ITGBL1: variants seen among roughly 807,000 people sequenced by gnomAD.
ITGBL1 encodes the protein integrin subunit beta like 1.
Under a neutral mutation model 68.5 loss-of-function variants are expected in ITGBL1, and 51 were observed. The ratio of observed to expected loss-of-function variants is 0.74; its 90% CI spans 0.59 to 0.94. The LOEUF (loss-of-function observed/expected upper bound fraction) is 0.94. Ranked by LOEUF, ITGBL1 falls within the 40% of genes least tolerant of loss-of-function variation. ITGBL1 has a pLI of 0.00. For synonymous variants in ITGBL1, 209 were observed against 227.3 expected, an observed-to-expected ratio of 0.92 and a Z score of 0.72; for missense variants, 649 against 647.4, an observed-to-expected ratio of 1.00 and a Z score of -0.03.
chr13:101,618,107 G>C (rs2139381111), intron 7 of ITGBL1, among the ~76,000 whole-genome samples: 1 of 152,308 alleles, frequency 6.6e-6, no homozygotes, highest in South Asian at 2.1e-4. Flanking sequence ...GCTGCTTATA[G>C]ATTCTGGTTG....
intron 7 of ITGBL1, among the ~76,000 whole-genome samples, chr13:101,658,772 G>C (rs2033000837): frequency 6.6e-6 from 1 of 152,094 alleles, no homozygotes; most frequent in Non-Finnish European, 1.5e-5. Context: ...GAGGAACTTG[G>C]TGCTAAATCA....
In ITGBL1 at chr13:101,453,957, C is replaced by CG; in HGVS notation, c.178dup (p.Ala60GlyfsTer21). 2 of 1,495,784 alleles carry CG rather than the reference C, an allele frequency of 1.3e-6. No homozygotes were observed. The highest frequency in any genetic ancestry group is 1.3e-5 in the South Asian group (1 of 77,150). The allele number at this position is 1,495,784 out of a possible 1,614,324, so 92.7% of individuals were successfully genotyped here. A position where few individuals can be genotyped will look rare whatever the true frequency, so the allele number is the denominator to read the frequency against. ...CGCTGCCGCGCACCTGGGCAGCCCC[C>CG]GGGGGCCGCGCTGTGCCACGGCCGG... is the stretch of plus-strand genomic sequence containing the variant. On this transcript the variant is annotated frameshift_variant, in exon 2 of 11. Coordinates refer to ENST00000376180, the MANE Select transcript of ITGBL1 (RefSeq NM_004791.3). LOFTEE classifies it high-confidence loss of function.
intron 7 of ITGBL1, among the ~76,000 whole-genome samples, chr13:101,654,921 A>G (rs9518474): frequency 0.2 from 30,776 of 152,100 alleles, 3,262 homozygotes; most frequent in African/African-American, 0.22. Flanking sequence ...AGTTAGAGCA[A>G]AAAGATAAAA....
intron 2 of ITGBL1, among the ~76,000 whole-genome samples, chr13:101,462,853 G>A (rs1029373654): frequency 2.0e-5 from 3 of 152,142 alleles, no homozygotes; most frequent in African/African-American, 7.2e-5. Context: ...AAAGTGCTGC[G>A]ATTACAAGCG....
chr13:101,604,887 T>TATATATGTATATATATATATACACAC, intron 7 of ITGBL1, among the ~76,000 whole-genome samples: 12 of 22,164 alleles, frequency 5.4e-4, no homozygotes, highest in Admixed American at 8.1e-4. Flanking sequence ...TATATATATA[T>TATATATGTATATATATATATACACAC]ACACACACAC....
chr13:101,681,924 G>A (rs1462636028), intron 7 of ITGBL1, among the ~76,000 whole-genome samples: 1 of 151,692 alleles, frequency 6.6e-6, no homozygotes, highest in African/African-American at 2.4e-5. Context: ...AGAAGAAGAG[G>A]AATATAGCTT....
intron 7 of ITGBL1, among the ~76,000 whole-genome samples, chr13:101,667,563 C>T (rs568585053): frequency 6.6e-6 from 1 of 152,020 alleles, no homozygotes; most frequent in South Asian, 2.1e-4. Context: ...ATTTGATGCA[C>T]AGCCTTCATA....
In ITGBL1 at chr13:101,567,543, A is replaced by T. The variant is rs1437442137; in HGVS notation, c.317-156A>T. 2.6e-5 allele frequency among the ~76,000 whole-genome samples: 4 copies of T among 152,174 alleles called. No individual in the cohort carries two copies. The highest frequency in any genetic ancestry group is 5.9e-5 in the Non-Finnish European group (4 of 68,036). On this transcript the variant is annotated intron_variant, in intron 2 of 10. Coordinates refer to ENST00000376180, the MANE Select transcript of ITGBL1 (RefSeq NM_004791.3). Reference sequence around the variant, plus strand: ...AAATTTTCATATTCCATTGCATTTTATATAATAGCATTACCCCTCAGCCAC... The same window carrying T: ...AAATTTTCATATTCCATTGCATTTTTTATAATAGCATTACCCCTCAGCCAC...
intron 8 of ITGBL1, among the ~76,000 whole-genome samples, chr13:101,703,427 T>G (rs983809016): frequency 2.6e-5 from 4 of 152,148 alleles, no homozygotes; most frequent in Admixed American, 2.0e-4. Flanking sequence ...AGGAATACAA[T>G]TGGAAATGTA....
intron 4 of ITGBL1, among the ~76,000 whole-genome samples, chr13:101,576,293 A>G (rs560248666): frequency 2.7e-4 from 41 of 152,196 alleles, no homozygotes; most frequent in Admixed American, 2.2e-3. Flanking sequence ...CTGATGCCTC[A>G]CCACTCACGA....
Position 101,452,846 on chromosome 13 carries a change from G to A in ITGBL1, c.13G>A (p.Gly5Ser), listed in dbSNP as rs2048183063. ...CCAGGAGCTCAGCATGCGTCCCCCA[G>A]GCTTCAGGAACTTCTTGCTGCTGGC... MRPP[G>S]FRNFLLLASS... Residue 5 changes from glycine (G) to serine (S), a missense_variant, in exon 1 of 11, where the codon GGC becomes AGC. Transcript: ENST00000376180. The A allele has an allele frequency of 1.2e-6, 2 of 1,613,922 alleles. No individual in the cohort carries two copies. The highest frequency in any genetic ancestry group is 1.7e-6 in the Non-Finnish European group (2 of 1,179,966).
At chr13:101,675,454 A>T (rs1208443474) in intron 7 of ITGBL1, among the ~76,000 whole-genome samples, 1 of 152,110 alleles carries the variant, frequency 6.6e-6, no homozygotes, top group Non-Finnish European at 1.5e-5. Context: ...GATTTAAGTA[A>T]GGTTGATTTC....
At chr13:101,572,954 A>C (rs980607946) in intron 3 of ITGBL1, among the ~76,000 whole-genome samples, 1 of 152,146 alleles carries the variant, frequency 6.6e-6, no homozygotes, top group African/African-American at 2.4e-5. Context: ...GTTATAAAAC[A>C]AGAAAACATA....
chr13:101,717,760 G>A (rs1450801454), downstream of ITGBL1: 1 of 152,082 alleles, frequency 6.6e-6, no homozygotes, highest in African/African-American at 2.4e-5. Context: ...CTTAAGGGTG[G>A]ATTTGGCTGG....
intron 7 of ITGBL1, among the ~76,000 whole-genome samples, chr13:101,599,814 G>A (rs1177131377): frequency 6.6e-6 from 1 of 152,166 alleles, no homozygotes; most frequent in East Asian, 1.9e-4. Flanking sequence ...TTTGGTACCA[G>A]TACCATGCTG....
chr13:101,605,706 G>T (rs1337866256), intron 7 of ITGBL1, among the ~76,000 whole-genome samples: 1 of 151,438 alleles, frequency 6.6e-6, no homozygotes, highest in African/African-American at 2.4e-5. Flanking sequence ...GTAGACTTAT[G>T]TATGTGCGTA....
intron 7 of ITGBL1, among the ~76,000 whole-genome samples, chr13:101,634,473 G>A (rs1454435644): frequency 3.9e-5 from 6 of 152,102 alleles, no homozygotes; most frequent in African/African-American, 9.7e-5. Flanking sequence ...TTTTAATGAC[G>A]AGATTAAGTT....
chr13:101,630,488 G>A (rs1292082749), intron 7 of ITGBL1, among the ~76,000 whole-genome samples: 2 of 152,090 alleles, frequency 1.3e-5, no homozygotes, highest in African/African-American at 4.8e-5. Flanking sequence ...ATGGTAAGTT[G>A]TTTCTAACTT....
chr13:101,617,474 T>C (rs1481029501), intron 7 of ITGBL1, among the ~76,000 whole-genome samples: 1 of 152,138 alleles, frequency 6.6e-6, no homozygotes, highest in African/African-American at 2.4e-5. Flanking sequence ...CTGATTAATG[T>C]GGAAGCACTG....
Sources: gnomAD v4.1 joint callset for allele counts (sites outside exome capture counted in the v4.1 genomes callset) on GRCh38, gnomAD v4.1.1 for gene constraint, MANE v1.5 for transcripts, NCBI Gene and HGNC (gene_info 2026-07-23, HGNC 2026-07-21) for gene names.